EXT1: variants seen among roughly 807,000 people sequenced by gnomAD.
The protein encoded by EXT1 is exostosin-1.
Under a neutral mutation model 82.5 loss-of-function variants are expected in EXT1, and 20 were observed. The ratio of observed to expected loss-of-function variants is 0.24; its 90% confidence interval spans 0.17 to 0.35. The LOEUF (loss-of-function observed/expected upper bound fraction) is 0.35, where lower values mean the gene tolerates loss of function less well. EXT1 is among the 10% of genes least tolerant of loss of function. The pLI, the probability that EXT1 is intolerant of heterozygous loss-of-function variation, is 1.00. For missense variants in EXT1, 757 were observed against 936.5 expected, an observed-to-expected ratio of 0.81 and a Z score of 2.50; for synonymous variants, 348 against 350.8, an observed-to-expected ratio of 0.99 and a Z score of 0.09.
intron 1 of EXT1, among the ~76,000 whole-genome samples, chr8:117,962,910 T>C (rs1814731785): frequency 1.3e-5 from 2 of 152,104 alleles, no homozygotes; most frequent in Non-Finnish European, 2.9e-5. Context: ...TAGGTGACTG[T>C]AGGGTACACA....
At chr8:117,851,696 C>T (rs1204458136) in intron 1 of EXT1, among the ~76,000 whole-genome samples, 3 of 151,138 alleles carry the variant, frequency 2.0e-5, no homozygotes, top group Non-Finnish European at 2.9e-5. Context: ...GTGCACATAC[C>T]CTAAACCACT....
At chr8:118,094,680 A>C (rs1313698158) in intron 1 of EXT1, among the ~76,000 whole-genome samples, 2 of 152,234 alleles carry the variant, frequency 1.3e-5, no homozygotes, top group Non-Finnish European at 2.9e-5. Context: ...TGAAGAACGG[A>C]AACAGGGAAG....
intron 1 of EXT1, among the ~76,000 whole-genome samples, chr8:118,050,168 A>C (rs1416774271): frequency 6.6e-6 from 1 of 152,228 alleles, no homozygotes; most frequent in East Asian, 1.9e-4. Flanking sequence ...CTATTGTCAG[A>C]CTTGCAAAGG....
chr8:117,871,013 A>T (rs1257080268), intron 1 of EXT1, among the ~76,000 whole-genome samples: 3 of 152,202 alleles, frequency 2.0e-5, no homozygotes, highest in Non-Finnish European at 4.4e-5. Flanking sequence ...TAGCCGATGT[A>T]ACTGGGAAAA....
intron 1 of EXT1, among the ~76,000 whole-genome samples, chr8:117,932,671 G>A (rs1814083751): frequency 6.6e-6 from 1 of 152,106 alleles, no homozygotes; most frequent in South Asian, 2.1e-4. Context: ...CTTCGTTTTA[G>A]CACATGACAA....
At position 117,819,709 on chromosome 8, in the gene EXT1, G is replaced by A. The variant is rs146108006; in HGVS notation, c.1503C>T (p.Leu501=). Residue 501 remains leucine, a synonymous_variant, in exon 6 of 11, where the codon CTC becomes CTT. Coordinates refer to ENST00000378204, the MANE Select transcript of EXT1 (RefSeq NM_000127.3). The part of the protein sequence containing the change: ...VSQSQPVLKL[L]VAAAKSQYCA... ...AGTACTGGGACTTGGCTGCAGCCAC[G>A]AGAAGCTTCAACACTGGCTGGGACT... is the stretch of plus-strand genomic sequence containing the variant. 2.9e-5 allele frequency: 47 copies of A among 1,612,848 alleles called. No homozygotes were observed. Among genetic ancestry groups the A allele is most frequent in the Middle Eastern group, 2.0e-4 (1 of 4,986 alleles).
At chr8:117,947,263 G>A (rs1814408256) in intron 1 of EXT1, among the ~76,000 whole-genome samples, 2 of 152,164 alleles carry the variant, frequency 1.3e-5, no homozygotes, top group South Asian at 4.1e-4. Flanking sequence ...AGTTTGTTCA[G>A]AGCTCAAACA....
intron 1 of EXT1, among the ~76,000 whole-genome samples, chr8:117,933,873 C>G (rs1814107624): frequency 6.6e-6 from 1 of 152,150 alleles, no homozygotes; most frequent in South Asian, 2.1e-4. Context: ...CAGACGCCTG[C>G]TCACAGGGGT....
At chr8:118,022,326 CTTTTTTTTTTTTTTT>C (rs71307420) in intron 1 of EXT1, among the ~76,000 whole-genome samples, 9 of 46,198 alleles carry the variant, frequency 1.9e-4, no homozygotes, top group African/African-American at 5.3e-4. Context: ...CATATATATT[CTTTTTTTTTTTTTTT>C]TTTTTTTTTT....
At chr8:117,860,209 G>C (rs1026436454) in intron 1 of EXT1, among the ~76,000 whole-genome samples, 52 of 151,476 alleles carry the variant, frequency 3.4e-4, no homozygotes, top group Admixed American at 3.4e-3. Context: ...AGCAACATGG[G>C]TGGAACTGGA....
At chr8:117,870,903 C>T (rs1812858667) in intron 1 of EXT1, among the ~76,000 whole-genome samples, 1 of 151,794 alleles carries the variant, frequency 6.6e-6, no homozygotes, top group Non-Finnish European at 1.5e-5. Context: ...TAAAACATCA[C>T]CTTAGTATTA....
At chr8:117,814,202 A>G (rs1372698817) in intron 7 of EXT1, among the ~76,000 whole-genome samples, 1 of 151,144 alleles carries the variant, frequency 6.6e-6, no homozygotes, top group African/African-American at 2.4e-5. Context: ...GTTCTGGAAT[A>G]AGGAAAGGTG....
intron 1 of EXT1, among the ~76,000 whole-genome samples, chr8:118,106,676 A>C (rs1487484976): frequency 6.6e-6 from 1 of 152,242 alleles, no homozygotes. Context: ...AGCTGAATCT[A>C]AAGTTTCACA....
chr8:118,073,623 GAGAAGAGAA>G (rs1236473936), intron 1 of EXT1, among the ~76,000 whole-genome samples: 41 of 137,444 alleles, frequency 3.0e-4, no homozygotes, highest in African/African-American at 1.0e-3. Flanking sequence ...AGGAAGAGAA[GAGAAGAGAA>G]AGAAGAGAAG....
intron 1 of EXT1, among the ~76,000 whole-genome samples, chr8:117,899,570 G>T (rs557554970): frequency 2.6e-5 from 4 of 152,144 alleles, no homozygotes; most frequent in Non-Finnish European, 5.9e-5. Context: ...CTTTCGGAAC[G>T]ATCAGCTGGG....
chr8:118,073,306 G>A (rs1817129736), intron 1 of EXT1, among the ~76,000 whole-genome samples: 1 of 152,196 alleles, frequency 6.6e-6, no homozygotes, highest in South Asian at 2.1e-4. Flanking sequence ...GAAGCATGCT[G>A]TGGACGGCAT....
At chr8:118,035,485 A>G (rs1281092600) in intron 1 of EXT1, among the ~76,000 whole-genome samples, 2 of 152,128 alleles carry the variant, frequency 1.3e-5, no homozygotes, top group African/African-American at 4.8e-5. Flanking sequence ...TTTCTTTCTA[A>G]TGTATAATAA....
At chr8:118,087,094 T>C (rs946008153) in intron 1 of EXT1, among the ~76,000 whole-genome samples, 1 of 152,204 alleles carries the variant, frequency 6.6e-6, no homozygotes. Flanking sequence ...TCAAGGCTCG[T>C]GCCCAGCGCT....
chr8:118,084,388 A>G (rs1306726578), intron 1 of EXT1, among the ~76,000 whole-genome samples: 2 of 152,234 alleles, frequency 1.3e-5, no homozygotes, highest in South Asian at 2.1e-4. Context: ...ACTTGTCATA[A>G]TGCATCTTGT....
Sources: allele counts gnomAD v4.1 joint callset (sites outside exome capture counted in the v4.1 genomes callset), GRCh38; gene constraint gnomAD v4.1.1; transcripts MANE v1.5; gene names NCBI Gene and HGNC (gene_info 2026-07-23, HGNC 2026-07-21).